ZNF385B: variants seen among roughly 807,000 people sequenced by gnomAD.
ZNF385B encodes zinc finger protein 385B.
A neutral mutation model predicts 39.2 loss-of-function variants in ZNF385B; 23 were observed. That is an observed-to-expected ratio of 0.59 (90% confidence interval 0.42 to 0.83). The LOEUF (loss-of-function observed/expected upper bound fraction) is 0.83. Ranked by LOEUF, ZNF385B falls within the 40% of genes least tolerant of loss-of-function variation. ZNF385B has a pLI of 0.00. For missense variants in ZNF385B, 552 were observed against 598.9 expected, an observed-to-expected ratio of 0.92 and a Z score of 0.82; for synonymous variants, 205 against 222.6, an observed-to-expected ratio of 0.92 and a Z score of 0.70.
intron 3 of ZNF385B, among the ~76,000 whole-genome samples, chr2:179,673,507 G>T (rs1029882511): frequency 2.0e-5 from 3 of 152,106 alleles, no homozygotes; most frequent in Admixed American, 1.3e-4. Flanking sequence ...TGTGGAAGAA[G>T]AATTTAGAAG....
chr2:179,610,222 T>C (rs1689174074), intron 3 of ZNF385B, among the ~76,000 whole-genome samples: 1 of 152,156 alleles, frequency 6.6e-6, no homozygotes, highest in African/African-American at 2.4e-5. Context: ...ATTTTGATTT[T>C]ATTTTTGTAT....
intron 3 of ZNF385B, among the ~76,000 whole-genome samples, chr2:179,586,580 C>A (rs16866815): frequency 0.18 from 26,799 of 152,162 alleles, 2,434 homozygotes; most frequent in East Asian, 0.25. Context: ...GTGTTATATT[C>A]GGCTGCCACC....
chr2:179,611,572 G>A (rs1689291908), intron 3 of ZNF385B, among the ~76,000 whole-genome samples: 1 of 152,182 alleles, frequency 6.6e-6, no homozygotes, highest in Non-Finnish European at 1.5e-5. Context: ...GAGTTTGGAA[G>A]TATTTCCTCC....
intron 1 of ZNF385B, among the ~76,000 whole-genome samples, chr2:179,848,821 C>T (rs548366363): frequency 1.6e-4 from 24 of 152,258 alleles, no homozygotes; most frequent in Non-Finnish European, 2.9e-4. Context: ...CAAGAGCAAA[C>T]CCATGCCAAG....
chr2:179,836,488 A>G lies in ZNF385B; in HGVS notation c.-155+24613T>C, dbSNP rs556389215. Among the ~76,000 whole-genome samples the G allele has an allele frequency of 1.1e-4, 17 of 148,968 alleles. No individual in the cohort carries two copies. In the South Asian group the frequency reaches 2.3e-3, roughly 21 times the overall value. ...TTCTTGTAAAAAACTATTTCAAGATATCTGAATCAAGGTTCTTGCGTTTTC... is the reference window on the plus strand; with the variant it reads ...TTCTTGTAAAAAACTATTTCAAGATGTCTGAATCAAGGTTCTTGCGTTTTC... On this transcript the variant is annotated intron_variant, in intron 1 of 9. Transcript: ENST00000410066.
At chr2:179,673,544 A>C (rs1696332782) in intron 3 of ZNF385B, among the ~76,000 whole-genome samples, 1 of 152,220 alleles carries the variant, frequency 6.6e-6, no homozygotes, top group South Asian at 2.1e-4. Flanking sequence ...TGTTGGAATT[A>C]TGGCAGTTTT....
At chr2:179,702,869 T>A (rs1341926162) in intron 3 of ZNF385B, among the ~76,000 whole-genome samples, 1 of 152,214 alleles carries the variant, frequency 6.6e-6, no homozygotes, top group Non-Finnish European at 1.5e-5. Flanking sequence ...TCTGTGATTC[T>A]GCTCTTTCTC....
At chr2:179,748,414 T>C (rs1421339146) in intron 3 of ZNF385B, among the ~76,000 whole-genome samples, 1 of 152,136 alleles carries the variant, frequency 6.6e-6, no homozygotes, top group Non-Finnish European at 1.5e-5. Context: ...AAAGGACACA[T>C]GTATTTCAGA....
chr2:179,614,977 C>T (rs188949450), intron 3 of ZNF385B, among the ~76,000 whole-genome samples: 2 of 152,322 alleles, frequency 1.3e-5, no homozygotes, highest in East Asian at 3.9e-4. Flanking sequence ...TATTAGACTT[C>T]TGTGATAGGT....
At position 179,548,380 on chromosome 2, in the gene ZNF385B, T is replaced by A. The variant is rs796368062; in HGVS notation, c.299-3411A>T. ...AAAAGTAACTGCTGGTGCAGGTAGC[T>A]CTCTGGTAGGCAGACTCTGGCATGT... On this transcript the variant is annotated intron_variant, in intron 3 of 9. Coordinates refer to ENST00000410066, the MANE Select transcript of ZNF385B (RefSeq NM_152520.6). 1.0e-4 allele frequency among the ~76,000 whole-genome samples: 15 copies of A among 148,538 alleles called. 2 individuals carry two copies. Among genetic ancestry groups the A allele is most frequent in the African/African-American group, 3.8e-4 (15 of 39,302 alleles).
At chr2:179,514,110 T>C (rs2105787143) in intron 5 of ZNF385B, 1 of 152,372 alleles carries the variant, frequency 6.6e-6, no homozygotes, top group South Asian at 2.1e-4. Flanking sequence ...AAGTCTGGTA[T>C]GGATCTCACT....
chr2:179,563,967 C>T (rs1443734344), intron 3 of ZNF385B, among the ~76,000 whole-genome samples: 1 of 152,074 alleles, frequency 6.6e-6, no homozygotes, highest in African/African-American at 2.4e-5. Flanking sequence ...TAGAACATTT[C>T]CCGGTCTGGA....
chr2:179,539,237 C>T (rs1012455010), intron 4 of ZNF385B, among the ~76,000 whole-genome samples: 1 of 152,086 alleles, frequency 6.6e-6, no homozygotes, highest in African/African-American at 2.4e-5. Flanking sequence ...ACTGTGTGTT[C>T]CCATGGCAAA....
chr2:179,777,489 C>T (rs1040659893), intron 1 of ZNF385B, among the ~76,000 whole-genome samples: 3 of 152,056 alleles, frequency 2.0e-5, no homozygotes, highest in Non-Finnish European at 4.4e-5. Context: ...TTGAAATACA[C>T]ATATCTATAA....
At chr2:179,593,600 C>T (rs13014868) in intron 3 of ZNF385B, among the ~76,000 whole-genome samples, 18,027 of 152,106 alleles carry the variant, frequency 0.12, 1,332 homozygotes, top group Middle Eastern at 0.21. Flanking sequence ...CTGAAGAGTA[C>T]ACAGGTACTC....
chr2:179,638,450 C>T (rs1212319795), intron 3 of ZNF385B, among the ~76,000 whole-genome samples: 2 of 152,042 alleles, frequency 1.3e-5, no homozygotes, highest in Non-Finnish European at 2.9e-5. Flanking sequence ...GAAACTATTT[C>T]GTGTGTGTTG....
intron 3 of ZNF385B, among the ~76,000 whole-genome samples, chr2:179,657,880 C>T (rs778329424): frequency 7.2e-5 from 11 of 152,110 alleles, no homozygotes; most frequent in East Asian, 3.9e-4. Context: ...AAGTAGTTTT[C>T]GTGAAACCAC....
chr2:179,808,191 C>T (rs1366232637), intron 1 of ZNF385B, among the ~76,000 whole-genome samples: 1 of 151,948 alleles, frequency 6.6e-6, no homozygotes, highest in African/African-American at 2.4e-5. Flanking sequence ...CGCCGCCACG[C>T]CTGGCTAATT....
intron 1 of ZNF385B, among the ~76,000 whole-genome samples, chr2:179,828,388 A>G (rs2106592800): frequency 6.6e-6 from 1 of 152,314 alleles, no homozygotes; most frequent in East Asian, 1.9e-4. Context: ...TTCCTTCACC[A>G]TGAGCCCACC....
Sources: gnomAD v4.1 joint callset for allele counts (sites outside exome capture counted in the v4.1 genomes callset) on GRCh38, gnomAD v4.1.1 for gene constraint, MANE v1.5 for transcripts, NCBI Gene and HGNC (gene_info 2026-07-23, HGNC 2026-07-21) for gene names.